GOLGA4: variants seen among roughly 807,000 people sequenced by gnomAD.
GOLGA4 encodes golgin subfamily A member 4.
A neutral mutation model predicts 265.9 loss-of-function variants in GOLGA4; 169 were observed. That is an observed-to-expected ratio of 0.64 (90% CI 0.56 to 0.72). The LOEUF (loss-of-function observed/expected upper bound fraction) is 0.72. Among genes scored for constraint, GOLGA4 ranks in the 30% least tolerant of loss-of-function variants. GOLGA4 has a pLI of 0.00. For synonymous variants in GOLGA4, 923 were observed against 855.8 expected, an observed-to-expected ratio of 1.08 and a Z score of -1.37; for missense variants, 2,482 against 2,483.4, an observed-to-expected ratio of 1.00 and a Z score of 0.01.
At chr3:37,307,235 GT>G (rs1261128226) in intron 10 of GOLGA4, among the ~76,000 whole-genome samples, 14 of 152,092 alleles carry the variant, frequency 9.2e-5, no homozygotes, top group Admixed American at 9.2e-4. Flanking sequence ...GTCATGTTGT[GT>G]TTGTGCAGGA....
intron 20 of GOLGA4, among the ~76,000 whole-genome samples, chr3:37,342,119 G>A (rs373130700): frequency 6.6e-6 from 1 of 152,206 alleles, no homozygotes; most frequent in East Asian, 1.9e-4. Context: ...AAAGTGGGTG[G>A]ATCACTTGAG....
Position 37,335,307 on chromosome 3 carries a change from A to G in GOLGA4, c.6306+141A>G, listed in dbSNP as rs1578762621. 5 of 581,172 alleles carry G rather than the reference A, an allele frequency of 8.6e-6. No homozygotes were observed. The South Asian group carries it at 9.3e-5, about 11-fold the overall frequency. The allele number at this position is 581,172 out of a possible 1,614,324, so 36.0% of individuals were successfully genotyped here. A position where few individuals can be genotyped will look rare whatever the true frequency, so the allele number is the denominator to read the frequency against. ...TTTGAGATTTTTACCTCCGTTTTAT[A>G]GACAGATAAACTAAATGTTCAAAGA... On this transcript the variant is annotated intron_variant, in intron 17 of 23. Transcript: ENST00000361924.
Position 37,327,109 on chromosome 3 carries a change from A to G in GOLGA4, c.5223A>G (p.Leu1741=), listed in dbSNP as rs748820564. 3 of 1,613,546 alleles carry G rather than the reference A, an allele frequency of 1.9e-6. No individual in the cohort carries two copies. Among genetic ancestry groups the G allele is most frequent in the East Asian group, 2.2e-5 (1 of 44,884 alleles). ...CATATGAAGAAAAAATCAGTGTTTT[A>G]CAAAGAAACTTAACTGAAAAAGAAA... The part of the protein sequence containing the change: ...QKTYEEKISV[L]QRNLTEKEKL... Residue 1741 remains leucine, a synonymous_variant, in exon 14 of 24, where the codon TTA becomes TTG. Coordinates refer to ENST00000361924, the MANE Select transcript of GOLGA4 (RefSeq NM_002078.5).
rs192208658 is a variant in GOLGA4 at position 37,276,559 on chromosome 3, T to C, written c.163-5399T>C. 3.1e-6 allele frequency: 5 copies of C among 1,596,306 alleles called. No homozygotes were observed. The East Asian group carries it at 1.1e-4, about 36-fold the overall frequency. On this transcript the variant is annotated intron_variant, in intron 2 of 23. Coordinates refer to ENST00000361924, the MANE Select transcript of GOLGA4 (RefSeq NM_002078.5). ...CTGATGAACCAGTGACAACATTTGT[T>C]GTCTGTAATGAATGTGGAAATCGAT...
chr3:37,329,663 C>G (rs2096983727), intron 16 of GOLGA4, among the ~76,000 whole-genome samples: 1 of 152,134 alleles, frequency 6.6e-6, no homozygotes, highest in South Asian at 2.1e-4. Context: ...TCTACTAATG[C>G]CATGTTGCAA....
intron 18 of GOLGA4, among the ~76,000 whole-genome samples, 173 bp from the exon 19 acceptor site, chr3:37,337,493 C>T (rs1007052290): frequency 2.6e-5 from 4 of 152,066 alleles, no homozygotes; most frequent in African/African-American, 4.8e-5. Context: ...TTACAGGCCC[C>T]AGCCAAGACT....
rs2096877752 is a variant in GOLGA4 at position 37,296,157 on chromosome 3, T to C, written c.752T>C (p.Leu251Pro). Residue 251 changes from leucine to proline, a missense_variant, in exon 7 of 24, where the codon CTG becomes CCG. Physicochemically the swap from Leu to Pro is moderately conservative, Grantham distance 98 (BLOSUM62 -3). Coordinates refer to ENST00000361924, the MANE Select transcript of GOLGA4 (RefSeq NM_002078.5). ...GATGTACTGAAACCACTTCCTCAGCTGGAACCACAGGCTGAAGTCTTCACT... is the reference window on the plus strand; with the variant it reads ...GATGTACTGAAACCACTTCCTCAGCCGGAACCACAGGCTGAAGTCTTCACT... ...NVDVLKPLPQ[L>P]EPQAEVFTKE... 6.2e-7 allele frequency: 1 copy of C among 1,613,314 alleles called. No homozygotes were observed. The highest frequency in any genetic ancestry group is 8.5e-7 in the Non-Finnish European group (1 of 1,179,232).
chr3:37,343,990 A>G (rs1486592094), intron 20 of GOLGA4, among the ~76,000 whole-genome samples: 1 of 152,244 alleles, frequency 6.6e-6, no homozygotes, highest in Non-Finnish European at 1.5e-5. Flanking sequence ...TTTCTTGTGC[A>G]TATATTAATT....
At chr3:37,262,113 A>G (rs1434960919) in intron 2 of GOLGA4, among the ~76,000 whole-genome samples, 1 of 152,240 alleles carries the variant, frequency 6.6e-6, no homozygotes, top group Non-Finnish European at 1.5e-5. Context: ...CATAAGAAAA[A>G]GGAAGTAATA....
At chr3:37,332,777 T>C (rs1412505698) in intron 16 of GOLGA4, among the ~76,000 whole-genome samples, 1 of 152,194 alleles carries the variant, frequency 6.6e-6, no homozygotes, top group Non-Finnish European at 1.5e-5. Flanking sequence ...TTCTTATTTT[T>C]TATTTTTTTC....
chr3:37,324,507 A>G lies in GOLGA4; in HGVS notation c.2621A>G (p.Asn874Ser). 2.5e-6 allele frequency: 4 copies of G among 1,614,000 alleles called. No individual in the cohort carries two copies. The highest frequency in any genetic ancestry group is 3.4e-6 in the Non-Finnish European group (4 of 1,179,908). The part of the protein sequence containing the change: ...QDLMQQLEKQ[N>S]SEMEQKVKSL... ...TTAATGCAGCAACTTGAAAAACAAA[A>G]TAGTGAAATGGAGCAAAAAGTAAAA... The change falls in exon 14 of 24, where the codon AAT (asparagine) becomes AGT (serine). Residue 874 changes from asparagine to serine, a missense_variant. Around this residue, in one of 3 missense-constraint regions of GOLGA4, gnomAD observed 1,536 missense variants for 1,483.7 expected, o/e 1.04. Coordinates refer to ENST00000361924, the MANE Select transcript of GOLGA4 (RefSeq NM_002078.5).
In GOLGA4 at chr3:37,243,491, C is replaced by A; in HGVS notation, c.-60C>A. 1 of 1,483,672 alleles carries A rather than the reference C, an allele frequency of 6.7e-7. No individual in the cohort carries two copies. Among genetic ancestry groups the A allele is most frequent in the Non-Finnish European group, 9.4e-7 (1 of 1,061,712 alleles). 91.9% of individuals were successfully genotyped at this position (1,483,672 alleles called of 1,614,324 possible). On this transcript the variant is annotated 5_prime_UTR_variant, in exon 1 of 24. Coordinates refer to ENST00000361924, the MANE Select transcript of GOLGA4 (RefSeq NM_002078.5). ...GTCGCCGTAGCCGTCGCGGCCGGGA[C>A]TCCCCGGGCTCTCGCCCTTCAGGTT...
intron 2 of GOLGA4, among the ~76,000 whole-genome samples, chr3:37,258,293 A>G (rs1458466258): frequency 2.0e-5 from 3 of 149,818 alleles, no homozygotes; most frequent in Non-Finnish European, 3.0e-5. Context: ...ATATATATAG[A>G]GCATATATAT....
At position 37,289,275 on chromosome 3, in the gene GOLGA4, T is replaced by G. The variant is rs1489316257; in HGVS notation, c.566T>G (p.Ile189Arg). The change falls in exon 5 of 24, where the codon ATA (isoleucine) becomes AGA (arginine). Residue 189 changes from isoleucine to arginine, a missense_variant. By Grantham distance (97) the Ile-to-Arg change is moderately conservative (BLOSUM62 -3). Around this residue, in one of 3 missense-constraint regions of GOLGA4, gnomAD observed 1,536 missense variants for 1,483.7 expected, o/e 1.04. Transcript: ENST00000361924. Reference protein sequence around the residue: ...SQSQDKSLRRIAELREELQMD... With the variant: ...SQSQDKSLRRRAELREELQMD... Reference sequence around the variant, plus strand: ...AGTCAGGATAAATCACTTCGGAGAATAGCAGAATTAAGAGAGGTAAGTTTC... The same window carrying G: ...AGTCAGGATAAATCACTTCGGAGAAGAGCAGAATTAAGAGAGGTAAGTTTC... The G allele has an allele frequency of 1.9e-6, 3 of 1,582,666 alleles. No individual in the cohort carries two copies. The highest frequency in any genetic ancestry group is 2.6e-6 in the Non-Finnish European group (3 of 1,154,282).
chr3:37,255,752 T>A (rs971677999), intron 2 of GOLGA4, among the ~76,000 whole-genome samples: 1 of 68 alleles, frequency 0.015, no homozygotes, highest in Non-Finnish European at 0.042. Flanking sequence ...AAAAAAAGCA[T>A]TTTTTTTTTT....
intron 21 of GOLGA4, among the ~76,000 whole-genome samples, chr3:37,350,074 T>C (rs1578839125): frequency 6.6e-6 from 1 of 152,278 alleles, no homozygotes; most frequent in East Asian, 1.9e-4. Flanking sequence ...CTAAGCTTTA[T>C]TGAAGATGCC....
At position 37,337,732 on chromosome 3, in the gene GOLGA4, C is replaced by G. The variant is rs1310019406; in HGVS notation, c.6394C>G (p.Gln2132Glu). Residue 2132 changes from glutamine to glutamate, a missense_variant and splice_region_variant, in exon 19 of 24, where the codon CAG (glutamine) becomes GAG (glutamate). By Grantham distance (29) the Gln-to-Glu change is conservative. Around this residue, in one of 3 missense-constraint regions of GOLGA4, gnomAD observed 942 missense variants for 983.1 expected, o/e 0.96. Transcript: ENST00000361924. Reference sequence around the variant, plus strand: ...ATTGAAAGAGCAAGAGTTCAGAGAACAGGTACAGGCCTAATTGGTACCTTT... The same window carrying G: ...ATTGAAAGAGCAAGAGTTCAGAGAAGAGGTACAGGCCTAATTGGTACCTTT... ...SKLKEQEFRE[Q>E]IHNLEDRLKK... 4 of 1,582,834 alleles carry G rather than the reference C, an allele frequency of 2.5e-6. No homozygotes were observed. In the Admixed American group the frequency reaches 6.7e-5, roughly 26 times the overall value.
rs1330087897 is a variant in GOLGA4 at position 37,328,502 on chromosome 3, A to G, written c.6026A>G (p.Glu2009Gly). 2.5e-6 allele frequency: 4 copies of G among 1,613,162 alleles called. No individual in the cohort carries two copies. The highest frequency in any genetic ancestry group is 2.2e-5 in the East Asian group (1 of 44,848). Residue 2009 changes from glutamate to glycine, a missense_variant, in exon 15 of 24, where the codon GAA becomes GGA. This residue lies in a region of GOLGA4 where 942 missense variants were observed against 983.1 expected (regional missense o/e 0.96). Transcript: ENST00000361924. ...TTTAATACACAGCTGGCACAAAAGG[A>G]ACAAGAGCTGGAAATGACCATAAAA... The part of the protein sequence containing the change: ...REFNTQLAQK[E>G]QELEMTIKET...
chr3:37,310,855 G>A (rs2096921337), intron 10 of GOLGA4, among the ~76,000 whole-genome samples: 1 of 152,074 alleles, frequency 6.6e-6, no homozygotes, highest in Non-Finnish European at 1.5e-5. Flanking sequence ...TGTGTGCCGT[G>A]ACTGTGGTTT....
Sources: gnomAD v4.1 joint callset for allele counts (sites outside exome capture counted in the v4.1 genomes callset) on GRCh38, gnomAD v4.1.1 for gene constraint, gnomAD v4.1.1 regional missense constraint, MANE v1.5 for transcripts, NCBI Gene and HGNC (gene_info 2026-07-23, HGNC 2026-07-21) for gene names.